The following LGSN variants were observed in gnomAD, a reference collection of about 807,000 sequenced individuals.
The protein encoded by LGSN is lengsin.
In LGSN, 21 loss-of-function variants were observed where a neutral mutation model predicts 19.5. The observed-to-expected ratio is 1.07, with a 90% CI of 0.76 to 1.55. The LOEUF (loss-of-function observed/expected upper bound fraction) is 1.55, where lower values mean the gene tolerates loss of function less well. Among genes scored for constraint, LGSN ranks in the 40% most tolerant of loss-of-function variants. The pLI is 0.00. For synonymous variants in LGSN, 257 were observed against 215.6 expected, an observed-to-expected ratio of 1.19 and a Z score of -1.68; for missense variants, 673 against 608.5, an observed-to-expected ratio of 1.11 and a Z score of -1.12.
At chr6:63,573,016 T>TA in the LGSN span, among the ~76,000 whole-genome samples, 1 of 151,954 alleles carries the variant, frequency 6.6e-6, no homozygotes, top group African/African-American at 2.4e-5. Context: ...GTCCGGCTTC[T>TA]GCGGCGGCCG....
chr6:63,403,970 CTT>C, the LGSN span, among the ~76,000 whole-genome samples: 1 of 151,702 alleles, frequency 6.6e-6, no homozygotes, highest in Non-Finnish European at 1.5e-5. Flanking sequence ...CTCTCTCTCT[CTT>C]TCTCTCTCCA....
the LGSN span, among the ~76,000 whole-genome samples, chr6:63,551,647 G>C: frequency 6.6e-6 from 1 of 151,754 alleles, no homozygotes; most frequent in African/African-American, 2.4e-5. Flanking sequence ...TTAACTTGTC[G>C]TTTACATTAG....
At chr6:63,552,775 C>T in the LGSN span, among the ~76,000 whole-genome samples, 1 of 152,092 alleles carries the variant, frequency 6.6e-6, no homozygotes, top group Non-Finnish European at 1.5e-5. Flanking sequence ...TTCCCAACAC[C>T]ATTTATTAAA....
At chr6:63,355,439 G>A in the LGSN span, among the ~76,000 whole-genome samples, 1 of 152,186 alleles carries the variant, frequency 6.6e-6, no homozygotes. Flanking sequence ...TCCTATGCCA[G>A]GTGGTGTATT....
At chr6:63,313,723 C>G (rs1768722308) in intron 1 of LGSN, among the ~76,000 whole-genome samples, 1 of 151,994 alleles carries the variant, frequency 6.6e-6, no homozygotes, top group Non-Finnish European at 1.5e-5. Context: ...GTAATCCCAG[C>G]TACTCGGGAG....
the LGSN span, among the ~76,000 whole-genome samples, chr6:63,393,746 CT>C: frequency 1.3e-5 from 2 of 152,168 alleles, no homozygotes; most frequent in African/African-American, 4.8e-5. Context: ...GTTTTACTTT[CT>C]TTTCTTCTGC....
the LGSN span, among the ~76,000 whole-genome samples, chr6:63,448,250 T>G: frequency 2.0e-5 from 3 of 152,052 alleles, no homozygotes; most frequent in Non-Finnish European, 2.9e-5. Context: ...GAGGAAAATA[T>G]AAAACAAAAA....
the LGSN span, among the ~76,000 whole-genome samples, chr6:63,402,647 T>C: frequency 2.2e-4 from 34 of 152,292 alleles, no homozygotes; most frequent in African/African-American, 7.7e-4. Flanking sequence ...AGGTAGGTCA[T>C]TGGAAATGAG....
At chr6:63,438,306 T>C in the LGSN span, among the ~76,000 whole-genome samples, 5 of 152,156 alleles carry the variant, frequency 3.3e-5, no homozygotes, top group Non-Finnish European at 5.9e-5. Context: ...AAGGACTTCA[T>C]GTCTAAAACA....
the LGSN span, among the ~76,000 whole-genome samples, chr6:63,529,032 T>C: frequency 6.6e-6 from 1 of 150,948 alleles, no homozygotes; most frequent in South Asian, 2.1e-4. Flanking sequence ...GAGGTTACAG[T>C]GAGCCGAGAT....
the LGSN span, among the ~76,000 whole-genome samples, chr6:63,458,060 T>TTTTATTTA: frequency 1.3e-5 from 2 of 151,536 alleles, no homozygotes; most frequent in African/African-American, 4.8e-5. Context: ...TTATTTTTAT[T>TTTTATTTA]TTTATTTATT....
the LGSN span, among the ~76,000 whole-genome samples, chr6:63,564,621 A>G: frequency 1.3e-5 from 2 of 152,230 alleles, no homozygotes; most frequent in Admixed American, 6.5e-5. Context: ...TTGCCATAGC[A>G]TGCATATCCA....
the LGSN span, among the ~76,000 whole-genome samples, chr6:63,484,759 G>T: frequency 1.3e-5 from 2 of 152,138 alleles, no homozygotes; most frequent in African/African-American, 2.4e-5. Flanking sequence ...GCATTATACT[G>T]GCTCTGAGGT....
chr6:63,501,407 T>C, the LGSN span, among the ~76,000 whole-genome samples: 1 of 151,746 alleles, frequency 6.6e-6, no homozygotes, highest in Non-Finnish European at 1.5e-5. Flanking sequence ...TCACTACCCC[T>C]TGCCTTTTCT....
the LGSN span, among the ~76,000 whole-genome samples, chr6:63,372,467 C>T: frequency 6.6e-6 from 1 of 152,060 alleles, no homozygotes; most frequent in Non-Finnish European, 1.5e-5. Context: ...AGCTGTGTCC[C>T]TATGTGTGGA....
chr6:63,438,517 A>C, the LGSN span, among the ~76,000 whole-genome samples: 3 of 152,268 alleles, frequency 2.0e-5, no homozygotes, highest in Admixed American at 2.0e-4. Context: ...AGAAAAAAAC[A>C]AACAACCCCA....
chr6:63,551,936 C>T, the LGSN span, among the ~76,000 whole-genome samples: 1 of 152,186 alleles, frequency 6.6e-6, no homozygotes, highest in Non-Finnish European at 1.5e-5. Context: ...TTAATCCAGT[C>T]TATCACTGAT....
the LGSN span, among the ~76,000 whole-genome samples, chr6:63,553,247 C>A: frequency 1.3e-5 from 2 of 152,184 alleles, no homozygotes; most frequent in African/African-American, 2.4e-5. Context: ...GATGTCAAAG[C>A]TCTGCTTTTA....
chr6:63,374,380 C>T, the LGSN span, among the ~76,000 whole-genome samples: 2 of 152,140 alleles, frequency 1.3e-5, no homozygotes, highest in Non-Finnish European at 1.5e-5. Flanking sequence ...ATTTTGTTGA[C>T]AGTGCTTCTA....
Sources: allele counts gnomAD v4.1 joint callset (sites outside exome capture counted in the v4.1 genomes callset), GRCh38; gene constraint gnomAD v4.1.1; transcripts MANE v1.5; gene names NCBI Gene and HGNC (gene_info 2026-07-23, HGNC 2026-07-21).